Variants in WDR7 observed in about 807,000 individuals in gnomAD.
WDR7 encodes WD repeat domain 7.
Under a neutral mutation model 169.4 loss-of-function variants are expected in WDR7, and 46 were observed. The observed-to-expected ratio is 0.27, with a 90% CI of 0.21 to 0.35. WDR7 has a LOEUF of 0.35. Ranked by LOEUF, WDR7 falls within the 10% of genes least tolerant of loss-of-function variation. The pLI, the probability that WDR7 is intolerant of heterozygous loss-of-function variation, is 1.00. For missense variants in WDR7, 1,534 were observed against 1,859.3 expected, an observed-to-expected ratio of 0.83 and a Z score of 3.22; for synonymous variants, 612 against 666.8, an observed-to-expected ratio of 0.92 and a Z score of 1.27.
At chr18:56,897,328 A>G (rs1242746218) in intron 21 of WDR7, among the ~76,000 whole-genome samples, 1 of 152,002 alleles carries the variant, frequency 6.6e-6, no homozygotes, top group Non-Finnish European at 1.5e-5. Flanking sequence ...AAGCATGTTC[A>G]TAGCAAACAG....
chr18:56,939,441 A>G (rs2047004480), intron 25 of WDR7, 48 bp downstream of exon 25: 1 of 1,435,066 alleles, frequency 7.0e-7, no homozygotes. Context: ...TTCAGTAACA[A>G]ATAATTTTAA....
At position 56,695,154 on chromosome 18, in the gene WDR7, C is replaced by T. The variant is rs566138597; in HGVS notation, c.1313C>T (p.Thr438Met). 6 of 1,614,120 alleles carry T rather than the reference C, an allele frequency of 3.7e-6. No individual in the cohort carries two copies. Among genetic ancestry groups the T allele is most frequent in the Admixed American group, 3.3e-5 (2 of 60,010 alleles). ...GSIVIVPATQ[T>M]AIVQLLQGEH... Reference sequence around the variant, plus strand: ...ATAGTTATTGTACCTGCCACACAGACGGCCATAGTACAGCTGTTGCAAGGG... The same window carrying T: ...ATAGTTATTGTACCTGCCACACAGATGGCCATAGTACAGCTGTTGCAAGGG... Residue 438 changes from threonine (T) to methionine (M), a missense_variant, in exon 11 of 28, where the codon ACG (threonine) becomes ATG (methionine). Transcript: ENST00000254442.
chr18:57,030,439 A>G (rs1189924483), downstream of WDR7: 1 of 152,180 alleles, frequency 6.6e-6, no homozygotes, highest in East Asian at 1.9e-4. Context: ...GCCCCAGGAA[A>G]TGTTTTAACA....
chr18:56,709,040 A>G (rs2026025764), intron 12 of WDR7, among the ~76,000 whole-genome samples: 1 of 152,246 alleles, frequency 6.6e-6, no homozygotes, highest in Non-Finnish European at 1.5e-5. Context: ...AGTGAAATTA[A>G]AGAAAGCATT....
chr18:56,657,989 C>T (rs1312772323), intron 1 of WDR7, among the ~76,000 whole-genome samples: 2 of 151,454 alleles, frequency 1.3e-5, no homozygotes, highest in East Asian at 3.9e-4. Flanking sequence ...AATGTTGGAA[C>T]AACGAATGTT....
intron 20 of WDR7, among the ~76,000 whole-genome samples, chr18:56,875,696 T>C (rs2046012937): frequency 6.6e-6 from 1 of 152,232 alleles, no homozygotes; most frequent in South Asian, 2.1e-4. Context: ...AAAGTTCTCA[T>C]TGATTCTGTA....
At chr18:56,699,913 G>A in intron 12 of WDR7, 1 of 975,660 alleles carries the variant, frequency 1.0e-6, no homozygotes, top group Non-Finnish European at 1.2e-6. Context: ...ATACATGTCA[G>A]TAGGTATTTA....
chr18:56,943,309 G>C (rs1352590487), intron 25 of WDR7, among the ~76,000 whole-genome samples: 1 of 151,664 alleles, frequency 6.6e-6, no homozygotes, highest in East Asian at 1.9e-4. Context: ...GATATGTGAT[G>C]TTTGTTTTTA....
At chr18:56,813,785 T>C (rs1258796314) in intron 19 of WDR7, among the ~76,000 whole-genome samples, 2 of 152,186 alleles carry the variant, frequency 1.3e-5, no homozygotes, top group African/African-American at 4.8e-5. Flanking sequence ...TACTAAGTTT[T>C]GGAAAGCATC....
intron 20 of WDR7, among the ~76,000 whole-genome samples, chr18:56,851,451 C>G (rs1346446808): frequency 6.6e-6 from 1 of 152,188 alleles, no homozygotes; most frequent in Non-Finnish European, 1.5e-5. Context: ...CTGGCTGTCA[C>G]TGGTATTTGC....
intron 3 of WDR7, 119 bp downstream of exon 3, chr18:56,679,557 A>G (rs2025314302): frequency 1.0e-5 from 6 of 580,910 alleles, no homozygotes; most frequent in Non-Finnish European, 1.2e-5. Flanking sequence ...AATGCTTTGT[A>G]TTGTCTAAAT....
chr18:56,689,204 C>T (rs1007574118), intron 7 of WDR7, among the ~76,000 whole-genome samples: 2 of 152,120 alleles, frequency 1.3e-5, no homozygotes, highest in Non-Finnish European at 2.9e-5. Flanking sequence ...ATTGGGCTTA[C>T]CATAAGCTGA....
At chr18:56,651,904 G>T (rs1167846111) in intron 1 of WDR7, 1 of 152,346 alleles carries the variant, frequency 6.6e-6, no homozygotes, top group African/African-American at 2.4e-5. Context: ...ATGATCGTTG[G>T]TGGTTATTGA....
chr18:56,762,923 G>T, intron 16 of WDR7, among the ~76,000 whole-genome samples: 1 of 147,666 alleles, frequency 6.8e-6, no homozygotes, highest in African/African-American at 2.5e-5. Context: ...ACCTTGGGTT[G>T]CCTACGAATA....
chr18:56,999,097 C>A (rs1482560311), intron 26 of WDR7, among the ~76,000 whole-genome samples: 1 of 152,100 alleles, frequency 6.6e-6, no homozygotes, highest in African/African-American at 2.4e-5. Context: ...CTTATATTCG[C>A]AAATATAGTG....
At chr18:56,897,769 A>G (rs1335268107) in intron 21 of WDR7, among the ~76,000 whole-genome samples, 1 of 152,200 alleles carries the variant, frequency 6.6e-6, no homozygotes, top group East Asian at 1.9e-4. Context: ...GACCAAGATT[A>G]TAAAAATGTT....
At chr18:56,693,562 T>G (rs868479705) in intron 9 of WDR7, among the ~76,000 whole-genome samples, 10 of 34,818 alleles carry the variant, frequency 2.9e-4, no homozygotes, top group South Asian at 4.6e-3. Flanking sequence ...ATTTTGTTGG[T>G]TTTTTTTTTT....
intron 19 of WDR7, among the ~76,000 whole-genome samples, chr18:56,788,818 A>G (rs549992558): frequency 7.9e-5 from 12 of 152,312 alleles, no homozygotes; most frequent in Admixed American, 7.2e-4. Context: ...CACAAAGCCA[A>G]TTGGAAATGA....
rs1437046511 is a variant in WDR7, at chr18:57,004,062, C to T, written c.4165-16683C>T. Reference sequence around the variant, plus strand: ...ACACACACACCCTAGCCTTTGTAATCATTCATACCCAGAAAATCTCCAAGG... The same window carrying T: ...ACACACACACCCTAGCCTTTGTAATTATTCATACCCAGAAAATCTCCAAGG... On this transcript the variant is annotated intron_variant, in intron 26 of 27. Coordinates refer to ENST00000254442, the MANE Select transcript of WDR7 (RefSeq NM_015285.3). Among the ~76,000 whole-genome samples the T allele has an allele frequency of 3.3e-5, 5 of 151,900 alleles. No homozygotes were observed. The East Asian group carries it at 5.8e-4, about 18-fold the overall frequency.
Sources: gnomAD v4.1 joint callset for allele counts (sites outside exome capture counted in the v4.1 genomes callset) on GRCh38, gnomAD v4.1.1 for gene constraint, MANE v1.5 for transcripts, NCBI Gene and HGNC (gene_info 2026-07-23, HGNC 2026-07-21) for gene names.